KCNH5: variants seen among roughly 807,000 people sequenced by gnomAD.
KCNH5 encodes the protein potassium voltage-gated channel subfamily H member 5.
Under a neutral mutation model 96.1 loss-of-function variants are expected in KCNH5, and 46 were observed. That is an observed-to-expected ratio of 0.48 (90% CI 0.38 to 0.61). KCNH5 has a LOEUF of 0.61. Among genes scored for constraint, KCNH5 ranks in the 20% least tolerant of loss-of-function variants. KCNH5 has a pLI of 0.00. For synonymous variants in KCNH5, 439 were observed against 449.8 expected (o/e 0.98, Z 0.30); for missense variants, 907 against 1,225.8 (o/e 0.74, Z 3.88).
intron 1 of KCNH5, among the ~76,000 whole-genome samples, chr14:63,042,329 G>C (rs1021542143): frequency 3.9e-5 from 6 of 151,938 alleles, no homozygotes; most frequent in Non-Finnish European, 5.9e-5. Flanking sequence ...CAGTTTTCTG[G>C]GTGGATGCCT....
intron 6 of KCNH5, among the ~76,000 whole-genome samples, chr14:62,950,927 A>C (rs569528556): frequency 2.0e-5 from 3 of 152,240 alleles, no homozygotes; most frequent in South Asian, 4.1e-4. Context: ...CAGACCTTTT[A>C]TTTCCTTTTC....
At position 62,950,567 on chromosome 14, in the gene KCNH5, T is replaced by TA. The variant is rs78869114; in HGVS notation, c.943-9dup. The TA allele has an allele frequency of 0.021, 28,863 of 1,352,666 alleles. No homozygotes were observed. Among genetic ancestry groups the TA allele is most frequent in the South Asian group, 0.028 (1,820 of 64,936 alleles). The allele number at this position is 1,352,666 out of a possible 1,614,324, so 83.8% of individuals were successfully genotyped here. On this transcript the variant is annotated splice_polypyrimidine_tract_variant and intron_variant, in intron 6 of 10. Coordinates refer to ENST00000322893, the MANE Select transcript of KCNH5 (RefSeq NM_139318.5). ...GAAGAGACTGCTGATTCCCTGGATT[T>TA]AAAAAAAAAAAAAAAATTACACCAC...
chr14:62,976,157 T>G (rs1566727749), intron 6 of KCNH5, among the ~76,000 whole-genome samples: 1 of 151,104 alleles, frequency 6.6e-6, no homozygotes, highest in East Asian at 1.9e-4. Context: ...TCCCAGCACT[T>G]TGGGAGGCCA....
At chr14:62,890,716 A>G (rs1888693738) in intron 7 of KCNH5, among the ~76,000 whole-genome samples, 1 of 151,614 alleles carries the variant, frequency 6.6e-6, no homozygotes, top group South Asian at 2.1e-4. Flanking sequence ...AAAAAAAAAA[A>G]AAAAGTGGGC....
intron 8 of KCNH5, among the ~76,000 whole-genome samples, chr14:62,830,939 C>T (rs529849669): frequency 2.6e-5 from 4 of 152,072 alleles, no homozygotes; most frequent in South Asian, 2.1e-4. Flanking sequence ...TTCCCTTCCT[C>T]GCTAAGCTTC....
rs1276070273 is a variant in KCNH5, at chr14:62,793,888, G to A, written c.1822+8441C>T. Among the ~76,000 whole-genome samples, 3 of 151,956 alleles carry A rather than the reference G, an allele frequency of 2.0e-5. No individual in the cohort carries two copies. In the East Asian group the frequency reaches 5.8e-4, roughly 29 times the overall value. On this transcript the variant is annotated intron_variant, in intron 9 of 10. Coordinates refer to ENST00000322893, the MANE Select transcript of KCNH5 (RefSeq NM_139318.5). ...AAGCAGAGCACAGAAGAAAAATATT[G>A]TTTTTAATTTAAAGAAATTAGGAAA...
rs1884454514 is a variant in KCNH5 at position 62,707,354 on chromosome 14, G to C, written c.*154C>G. The C allele has an allele frequency of 2.5e-6, 1 of 396,626 alleles. No homozygotes were observed. Among genetic ancestry groups the C allele is most frequent in the South Asian group, 1.4e-4 (1 of 7,400 alleles). The allele number at this position is 396,626 out of a possible 1,614,324, so 24.6% of individuals were successfully genotyped here. A position where few individuals can be genotyped will look rare whatever the true frequency, so the allele number is the denominator to read the frequency against. On this transcript the variant is annotated 3_prime_UTR_variant, in exon 11 of 11. Coordinates refer to ENST00000322893, the MANE Select transcript of KCNH5 (RefSeq NM_139318.5). ...TTTTAATCATCATCTTCTTTGGCAG[G>C]CCAGAATCCAGCTGGACATGCAATA...
At chr14:62,840,515 CTTTTCTGTTTTT>C in intron 8 of KCNH5, among the ~76,000 whole-genome samples, 1 of 139,630 alleles carries the variant, frequency 7.2e-6, no homozygotes, top group Non-Finnish European at 1.6e-5. Context: ...TTTTCTTTTT[CTTTTCTGTTTTT>C]TGTTTTGTTT....
chr14:62,901,641 A>C (rs1888927269), intron 7 of KCNH5, among the ~76,000 whole-genome samples: 1 of 152,212 alleles, frequency 6.6e-6, no homozygotes, highest in Admixed American at 6.5e-5. Flanking sequence ...ATGGGCACCT[A>C]GGCTGATCAA....
At chr14:63,016,766 C>G (rs1367305500) in intron 2 of KCNH5, 65 bp downstream of exon 2, 1 of 1,540,526 alleles carries the variant, frequency 6.5e-7, no homozygotes, top group East Asian at 2.3e-5. Context: ...AAGCTTAAGC[C>G]TTTTAATTAC....
chr14:62,825,028 C>G (rs751645102), intron 8 of KCNH5, among the ~76,000 whole-genome samples: 89 of 151,976 alleles, frequency 5.9e-4, no homozygotes, highest in Non-Finnish European at 1.0e-3. Flanking sequence ...TTAGGTTGAT[C>G]CCATGTCTTT....
At chr14:62,712,696 G>A (rs756405519) in intron 10 of KCNH5, 26 of 779,022 alleles carry the variant, frequency 3.3e-5, no homozygotes, top group East Asian at 1.5e-4. Context: ...TTCACAGAGC[G>A]TTTGCCATGG....
chr14:63,017,264 G>A (rs987923670), intron 1 of KCNH5, among the ~76,000 whole-genome samples: 1 of 151,878 alleles, frequency 6.6e-6, no homozygotes, highest in Non-Finnish European at 1.5e-5. Context: ...TAATGTTAAT[G>A]ACTATAAATT....
chr14:63,042,166 G>GTGTTT (rs367930982), intron 1 of KCNH5, among the ~76,000 whole-genome samples: 4 of 151,794 alleles, frequency 2.6e-5, no homozygotes, highest in Admixed American at 6.6e-5. Flanking sequence ...TCTGCTCTGT[G>GTGTTT]TGTTTTGTTT....
At chr14:62,898,250 G>T (rs1888854911) in intron 7 of KCNH5, among the ~76,000 whole-genome samples, 1 of 152,108 alleles carries the variant, frequency 6.6e-6, no homozygotes, top group Admixed American at 6.5e-5. Flanking sequence ...AATAGAAAGG[G>T]CTAAAAGAAC....
intron 8 of KCNH5, among the ~76,000 whole-genome samples, chr14:62,816,333 A>T (rs1280736987): frequency 1.3e-5 from 2 of 151,792 alleles, no homozygotes; most frequent in African/African-American, 2.4e-5. Context: ...TGTGTGAAAA[A>T]ATATATATAT....
chr14:62,914,963 T>C (rs1412142176), intron 7 of KCNH5, among the ~76,000 whole-genome samples: 2 of 152,212 alleles, frequency 1.3e-5, no homozygotes, highest in Admixed American at 1.3e-4. Context: ...CCTTGAAGAA[T>C]GGAGGCTTTG....
intron 1 of KCNH5, among the ~76,000 whole-genome samples, chr14:63,024,387 GAACA>G (rs926975410): frequency 2.0e-5 from 3 of 151,602 alleles, no homozygotes; most frequent in African/African-American, 7.3e-5. Flanking sequence ...AGAAAAAGAA[GAACA>G]AACTAAGCCC....
intron 7 of KCNH5, among the ~76,000 whole-genome samples, chr14:62,949,264 T>C (rs1210236312): frequency 9.2e-5 from 14 of 152,188 alleles, no homozygotes; most frequent in Admixed American, 7.2e-4. Flanking sequence ...GAAAACCCCA[T>C]TGTCTCAGCC....
Sources: gnomAD v4.1 joint callset for allele counts (sites outside exome capture counted in the v4.1 genomes callset) on GRCh38, gnomAD v4.1.1 for gene constraint, MANE v1.5 for transcripts, NCBI Gene and HGNC (gene_info 2026-07-23, HGNC 2026-07-21) for gene names.